Variants in SPTLC2 observed in about 807,000 individuals in gnomAD.
SPTLC2 encodes serine palmitoyltransferase 2.
Under a neutral mutation model 62.0 loss-of-function variants are expected in SPTLC2, and 21 were observed. The observed-to-expected ratio is 0.34, with a 90% confidence interval of 0.24 to 0.49. The LOEUF (loss-of-function observed/expected upper bound fraction) is 0.49, where lower values mean the gene tolerates loss of function less well. SPTLC2 is among the 20% of genes least tolerant of loss of function. The pLI is 0.99. For missense variants in SPTLC2, 511 were observed against 713.0 expected, an observed-to-expected ratio of 0.72 and a Z score of 3.23; for synonymous variants, 261 against 261.8, an observed-to-expected ratio of 1.00 and a Z score of 0.03.
intron 7 of SPTLC2, among the ~76,000 whole-genome samples, chr14:77,556,354 C>T (rs112123007): frequency 1.1e-4 from 16 of 151,708 alleles, no homozygotes; most frequent in Admixed American, 3.3e-4. Flanking sequence ...AAAAAACAAG[C>T]ACCAAACACA....
At position 77,557,061 on chromosome 14, in the gene SPTLC2, G is replaced by A. The variant is rs966096873; in HGVS notation, c.936C>T (p.Ile312=). The part of the protein sequence containing the change: ...RTRRPWKKIL[I]LVEGIYSMEG... ...ATTACCTATATATTCCTTCCACAAG[G>A]ATGAGAATTTTCTTCCAGGGCCTTC... is the stretch of plus-strand genomic sequence containing the variant. The change falls in exon 7 of 12, where the codon ATC becomes ATT. Residue 312 remains isoleucine (I), a synonymous_variant. Coordinates refer to ENST00000216484, the MANE Select transcript of SPTLC2 (RefSeq NM_004863.4). 6.2e-7 allele frequency: 1 copy of A among 1,613,732 alleles called. No individual in the cohort carries two copies. The highest frequency in any genetic ancestry group is 8.5e-7 in the Non-Finnish European group (1 of 1,179,910).
intron 8 of SPTLC2, among the ~76,000 whole-genome samples, chr14:77,553,840 G>C (rs560409887): frequency 1.3e-5 from 2 of 151,776 alleles, no homozygotes; most frequent in African/African-American, 4.8e-5. Flanking sequence ...TCTGTGATAG[G>C]GTCTTGCTCT....
intron 5 of SPTLC2, among the ~76,000 whole-genome samples, chr14:77,568,139 A>C (rs2079656588): frequency 6.6e-6 from 1 of 152,180 alleles, no homozygotes; most frequent in Admixed American, 6.5e-5. Flanking sequence ...GCTTCATCCA[A>C]CAAACTATAA....
intron 5 of SPTLC2, among the ~76,000 whole-genome samples, chr14:77,570,050 C>T (rs1464983241): frequency 3.3e-5 from 5 of 149,400 alleles, no homozygotes; most frequent in African/African-American, 9.8e-5. Flanking sequence ...GGTGAAACCC[C>T]GCCTCTGCTA....
In SPTLC2 at chr14:77,562,520, A is replaced by C. The variant is rs753755074; in HGVS notation, c.757-31T>G. 4 of 1,580,018 alleles carry C rather than the reference A, an allele frequency of 2.5e-6. No individual in the cohort carries two copies. The South Asian group carries it at 3.3e-5, about 13-fold the overall frequency. ...ACATCACAGGAACAGAAAGGTAAGA[A>C]GCTGGAGGGGAAAGGGTTAGTTACA... On this transcript the variant is annotated intron_variant, in intron 5 of 11. Transcript: ENST00000216484.
intron 4 of SPTLC2, among the ~76,000 whole-genome samples, chr14:77,570,955 G>A (rs973527539): frequency 6.6e-6 from 1 of 152,170 alleles, no homozygotes; most frequent in African/African-American, 2.4e-5. Flanking sequence ...AAAGACGTAA[G>A]GAGAGGGGGA....
chr14:77,531,303 C>A (rs2079437227), intron 9 of SPTLC2, among the ~76,000 whole-genome samples: 1 of 152,212 alleles, frequency 6.6e-6, no homozygotes, highest in Non-Finnish European at 1.5e-5. Context: ...GCAACCTAGT[C>A]TGTGACCAAA....
chr14:77,615,341 C>T (rs543159232), intron 1 of SPTLC2, among the ~76,000 whole-genome samples: 71 of 152,306 alleles, frequency 4.7e-4, no homozygotes, highest in African/African-American at 1.7e-3. Flanking sequence ...TTTTCTGCTT[C>T]GCAGCAAACA....
At chr14:77,602,958 T>G (rs1210709768) in intron 1 of SPTLC2, among the ~76,000 whole-genome samples, 1 of 152,204 alleles carries the variant, frequency 6.6e-6, no homozygotes, top group Non-Finnish European at 1.5e-5. Flanking sequence ...TATGTTGCCT[T>G]CTGTCTCTTA....
intron 1 of SPTLC2, among the ~76,000 whole-genome samples, chr14:77,606,987 CAA>C (rs763777208): frequency 1.7e-5 from 2 of 118,218 alleles, no homozygotes; most frequent in Non-Finnish European, 3.6e-5. Flanking sequence ...AGACCCATCT[CAA>C]AAAAAAAAAA....
At chr14:77,568,057 G>C (rs1158411364) in intron 5 of SPTLC2, among the ~76,000 whole-genome samples, 2 of 152,092 alleles carry the variant, frequency 1.3e-5, no homozygotes, top group South Asian at 2.1e-4. Context: ...TTAGATTTCA[G>C]ATTTTGGGAT....
intron 2 of SPTLC2, among the ~76,000 whole-genome samples, chr14:77,590,090 C>T (rs1019305247): frequency 6.6e-6 from 1 of 152,142 alleles, no homozygotes; most frequent in African/African-American, 2.4e-5. Context: ...ATCCTCCCAC[C>T]TCAGTCTCCC....
intron 9 of SPTLC2, among the ~76,000 whole-genome samples, chr14:77,537,067 C>A (rs1297685464): frequency 6.6e-6 from 1 of 151,998 alleles, no homozygotes; most frequent in Non-Finnish European, 1.5e-5. Context: ...GGACTACAGG[C>A]ACCTGCCACC....
chr14:77,583,162 T>G (rs1442678912), intron 2 of SPTLC2, among the ~76,000 whole-genome samples: 3 of 151,312 alleles, frequency 2.0e-5, no homozygotes, highest in African/African-American at 7.3e-5. Context: ...ATCGGACCAC[T>G]GCACTTTAGC....
At chr14:77,520,970 TG>T (rs912012314) in intron 10 of SPTLC2, among the ~76,000 whole-genome samples, 1 of 152,236 alleles carries the variant, frequency 6.6e-6, no homozygotes, top group African/African-American at 2.4e-5. Context: ...TTCAAATCTT[TG>T]CTCAGATGTC....
chr14:77,577,510 G>A (rs1429880463), intron 3 of SPTLC2, among the ~76,000 whole-genome samples: 1 of 152,160 alleles, frequency 6.6e-6, no homozygotes, highest in Non-Finnish European at 1.5e-5. Flanking sequence ...CATGGCACAT[G>A]TATACTGTAA....
chr14:77,537,158 T>C (rs1332103867), intron 9 of SPTLC2, among the ~76,000 whole-genome samples: 1 of 152,030 alleles, frequency 6.6e-6, no homozygotes, highest in African/African-American at 2.4e-5. Context: ...GACCTCGTGA[T>C]CTACCCGCCT....
chr14:77,599,641 T>C (rs1566792004), intron 1 of SPTLC2, among the ~76,000 whole-genome samples: 1 of 152,234 alleles, frequency 6.6e-6, no homozygotes, highest in Non-Finnish European at 1.5e-5. Flanking sequence ...CACAAACTCA[T>C]TTGGGTCTTC....
intron 2 of SPTLC2, among the ~76,000 whole-genome samples, chr14:77,596,945 A>G (rs372614113): frequency 6.6e-6 from 1 of 152,188 alleles, no homozygotes. Flanking sequence ...CTAATCCATA[A>G]AACAGGGATA....
Sources: allele counts gnomAD v4.1 joint callset (sites outside exome capture counted in the v4.1 genomes callset), GRCh38; gene constraint gnomAD v4.1.1; transcripts MANE v1.5; gene names NCBI Gene and HGNC (gene_info 2026-07-23, HGNC 2026-07-21).